The following RPGRIP1 variants were observed in gnomAD, a reference collection of about 807,000 sequenced individuals.
The protein encoded by RPGRIP1 is RPGR interacting protein 1.
A neutral mutation model predicts 157.9 loss-of-function variants in RPGRIP1; 128 were observed. The ratio of observed to expected loss-of-function variants is 0.81; its 90% CI spans 0.70 to 0.94. The LOEUF (loss-of-function observed/expected upper bound fraction) is 0.94. RPGRIP1 is among the 40% of genes least tolerant of loss of function. RPGRIP1 has a pLI of 0.00. For synonymous variants in RPGRIP1, 554 were observed against 571.6 expected (o/e 0.97, Z 0.44); for missense variants, 1,486 against 1,545.8 (o/e 0.96, Z 0.65).
At chr14:21,318,262 A>G in intron 11 of RPGRIP1, 1 of 335,254 alleles carries the variant, frequency 3.0e-6, no homozygotes, top group South Asian at 2.1e-5. Flanking sequence ...ATGCACTACC[A>G]CGCCTGGCTA....
At chr14:21,312,068 T>A (rs1369577001) in intron 9 of RPGRIP1, 98 bp downstream of exon 9, 22 of 1,161,332 alleles carry the variant, frequency 1.9e-5, no homozygotes, top group Non-Finnish European at 2.7e-5. Flanking sequence ...TTTTTTCAAA[T>A]GACAAAAACG....
At chr14:21,321,483 C>T in intron 13 of RPGRIP1, 81 bp downstream of exon 13, 2 of 1,536,676 alleles carry the variant, frequency 1.3e-6, no homozygotes, top group African/African-American at 2.8e-5. Flanking sequence ...GAAGCAAGAC[C>T]TAAGTTTCCA....
At chr14:21,314,808 G>C (rs1881701562) in intron 10 of RPGRIP1, among the ~76,000 whole-genome samples, 1 of 151,984 alleles carries the variant, frequency 6.6e-6, no homozygotes, top group African/African-American at 2.4e-5. Flanking sequence ...GATTGCCTGA[G>C]CACAGGAGTG....
intron 3 of RPGRIP1, among the ~76,000 whole-genome samples, chr14:21,300,705 C>CATTT (rs1378187329): frequency 1.1e-3 from 78 of 73,508 alleles, no homozygotes; most frequent in African/African-American, 4.0e-3. Context: ...AGTGGCTCAA[C>CATTT]TTTTTTTTTT....
At chr14:21,335,046 CAA>C (rs869065591) in intron 21 of RPGRIP1, among the ~76,000 whole-genome samples, 28 of 28,050 alleles carry the variant, frequency 1.0e-3, no homozygotes, top group African/African-American at 3.2e-3. Context: ...AACTCTGTCT[CAA>C]AAAAAAAAAA....
chr14:21,346,683 T>C (rs1251996746), intron 23 of RPGRIP1, among the ~76,000 whole-genome samples: 2 of 152,142 alleles, frequency 1.3e-5, no homozygotes, highest in Non-Finnish European at 2.9e-5. Flanking sequence ...GGGGCTGGTG[T>C]TTTATCTTAT....
chr14:21,331,872 G>T (rs1341058485), intron 20 of RPGRIP1, among the ~76,000 whole-genome samples: 1 of 151,338 alleles, frequency 6.6e-6, no homozygotes, highest in East Asian at 1.9e-4. Context: ...ATTATGAAAA[G>T]AGAGTCTTTA....
At chr14:21,317,383 T>A (rs1423502387) in intron 10 of RPGRIP1, among the ~76,000 whole-genome samples, 3 of 152,132 alleles carry the variant, frequency 2.0e-5, no homozygotes, top group Non-Finnish European at 4.4e-5. Context: ...CCTGAGAAGG[T>A]CTTGATACAT....
chr14:21,327,504 T>TTG (rs1883235584), intron 17 of RPGRIP1, 119 bp from the exon 18 acceptor site: 1 of 783,588 alleles, frequency 1.3e-6, no homozygotes, highest in Non-Finnish European at 2.1e-6. Flanking sequence ...TGGATGTTAA[T>TTG]TAATTGCTGA....
Position 21,281,704 on chromosome 14 carries a change from A to AAT in RPGRIP1, c.-39+1546_-39+1547insTA, listed in dbSNP as rs1555363835. Among the ~76,000 whole-genome samples the AAT allele has an allele frequency of 8.1e-3, 1,079 of 133,940 alleles. 17 individuals carry two copies. Among genetic ancestry groups the AAT allele is most frequent in the African/African-American group, 0.025 (835 of 33,838 alleles). The allele number at this position is 133,940 out of a possible 152,430, so 87.9% of individuals were successfully genotyped here. On this transcript the variant is annotated intron_variant, in intron 1 of 24. Coordinates refer to ENST00000400017, the MANE Select transcript of RPGRIP1 (RefSeq NM_020366.4). ...ACCTTGTCTCAAAAAAAAAAAAAAT[A>AAT]AATAATAATAATAATAATAATAATA...
intron 3 of RPGRIP1, among the ~76,000 whole-genome samples, chr14:21,300,705 CTTTTTT>C (rs918137131): frequency 1.4e-5 from 1 of 73,508 alleles, no homozygotes; most frequent in Non-Finnish European, 2.5e-5. Flanking sequence ...AGTGGCTCAA[CTTTTTT>C]TTTTTTTTTT....
intron 1 of RPGRIP1, among the ~76,000 whole-genome samples, chr14:21,286,145 A>G (rs1489930144): frequency 6.6e-6 from 1 of 151,888 alleles, no homozygotes; most frequent in East Asian, 1.9e-4. Context: ...ACCCGCCACC[A>G]CGCCCGGCTA....
intron 10 of RPGRIP1, among the ~76,000 whole-genome samples, chr14:21,316,062 T>C (rs1254432433): frequency 6.9e-6 from 1 of 145,614 alleles, no homozygotes; most frequent in East Asian, 2.1e-4. Flanking sequence ...CTGCAACCCC[T>C]GCCTCCCGAT....
intron 5 of RPGRIP1, chr14:21,302,872 T>TC: frequency 5.4e-6 from 1 of 184,872 alleles, no homozygotes; most frequent in East Asian, 1.3e-4. Flanking sequence ...TGTGTTTTTT[T>TC]TTTTTTTTTT....
intron 10 of RPGRIP1, among the ~76,000 whole-genome samples, chr14:21,315,571 T>G (rs143226899): frequency 1.5e-3 from 226 of 151,426 alleles, no homozygotes; most frequent in African/African-American, 5.4e-3. Context: ...AGGGGGTAGA[T>G]TGAGGAGGTC....
intron 12 of RPGRIP1, 27 bp from the exon 13 acceptor site, chr14:21,321,232 C>G: frequency 6.2e-7 from 1 of 1,603,312 alleles, no homozygotes; most frequent in Non-Finnish European, 8.5e-7. Context: ...TTTATACTCC[C>G]TTTTACCAAT....
chr14:21,303,387 C>G lies in RPGRIP1; in HGVS notation c.644C>G (p.Pro215Arg). 1 of 1,613,726 alleles carries G rather than the reference C, an allele frequency of 6.2e-7. No homozygotes were observed. The highest frequency in any genetic ancestry group is 1.1e-5 in the South Asian group (1 of 91,066). Residue 215 changes from proline to arginine, a missense_variant, in exon 6 of 25, where the codon CCC becomes CGC. Transcript: ENST00000400017. ...SFSSVISMAKPIGLCMPNSAH... is the reference protein window; with the variant it reads ...SFSSVISMAKRIGLCMPNSAH... ...AGCAGTGTCATAAGTATGGCTAAAC[C>G]CATTGGTCTATGCATGCCTAACAGT...
intron 20 of RPGRIP1, among the ~76,000 whole-genome samples, chr14:21,332,494 G>A (rs569745917): frequency 4.9e-4 from 75 of 152,226 alleles, no homozygotes; most frequent in African/African-American, 1.7e-3. Flanking sequence ...GCAGACAATG[G>A]AATATTATTT....
chr14:21,321,381 C>T lies in RPGRIP1; in HGVS notation c.1590C>T (p.Arg530=). The change falls in exon 13 of 25, where the codon CGC becomes CGT. Residue 530 remains arginine (R), a synonymous_variant. Transcript: ENST00000400017. ...CCAGGGACATGCTTATTCTGCAGCG[C>T]AAAATCAACGTGTGTTATCAGGTGC... ...EKTRDMLILQ[R]KINVCYQEEL... 6.2e-7 allele frequency: 1 copy of T among 1,611,666 alleles called. No individual in the cohort carries two copies. The highest frequency in any genetic ancestry group is 2.2e-5 in the East Asian group (1 of 44,862).
Sources: allele counts gnomAD v4.1 joint callset (sites outside exome capture counted in the v4.1 genomes callset), GRCh38; gene constraint gnomAD v4.1.1; transcripts MANE v1.5; gene names NCBI Gene and HGNC (gene_info 2026-07-23, HGNC 2026-07-21).